Variants in LRMDA observed in about 807,000 individuals in gnomAD.
The protein encoded by LRMDA is leucine rich melanocyte differentiation associated.
A neutral mutation model predicts 29.8 loss-of-function variants in LRMDA; 18 were observed. The observed-to-expected ratio is 0.60, with a 90% confidence interval of 0.42 to 0.90. The LOEUF (loss-of-function observed/expected upper bound fraction) is 0.90, where lower values mean the gene tolerates loss of function less well. Among genes scored for constraint, LRMDA ranks in the 40% least tolerant of loss-of-function variants. LRMDA has a pLI of 0.00. For missense variants in LRMDA, 273 were observed against 273.9 expected, an observed-to-expected ratio of 1.00 and a Z score of 0.02; for synonymous variants, 125 against 109.4, an observed-to-expected ratio of 1.14 and a Z score of -0.89.
At chr10:76,347,374 C>T (rs61026668) in intron 6 of LRMDA, among the ~76,000 whole-genome samples, 3,256 of 152,212 alleles carry the variant, frequency 0.021, 129 homozygotes, top group African/African-American at 0.072. Flanking sequence ...TATACTACGC[C>T]AATAGCTTCA....
intron 5 of LRMDA, among the ~76,000 whole-genome samples, chr10:76,288,256 A>G (rs2132343636): frequency 6.6e-6 from 1 of 152,334 alleles, no homozygotes; most frequent in Admixed American, 6.5e-5. Flanking sequence ...AAACAGAATT[A>G]CCATTTGACC....
chr10:75,764,186 T>C (rs1272825987), intron 2 of LRMDA, among the ~76,000 whole-genome samples: 1 of 152,082 alleles, frequency 6.6e-6, no homozygotes, highest in Non-Finnish European at 1.5e-5. Flanking sequence ...GCTCCAGGCT[T>C]CTCCCCGGCC....
chr10:75,583,985 C>T (rs909151462), intron 2 of LRMDA, among the ~76,000 whole-genome samples: 2 of 152,222 alleles, frequency 1.3e-5, no homozygotes, highest in African/African-American at 4.8e-5. Context: ...CCTTCCCAGC[C>T]CCCCCATAGG....
intron 2 of LRMDA, among the ~76,000 whole-genome samples, chr10:75,751,175 C>T (rs1422590307): frequency 2.0e-5 from 3 of 152,164 alleles, no homozygotes; most frequent in Admixed American, 6.5e-5. Context: ...ACCAGTCAGG[C>T]GTGGCGGCGC....
chr10:76,137,224 T>A lies in LRMDA; in HGVS notation c.516+78441T>A, dbSNP rs1239631603. ...ATTCCTTAAGCTAAAACCCTTAGAGTTAATATGATACACTTGGCTACCTCA... is the reference window on the plus strand; with the variant it reads ...ATTCCTTAAGCTAAAACCCTTAGAGATAATATGATACACTTGGCTACCTCA... On this transcript the variant is annotated intron_variant, in intron 5 of 6. Coordinates refer to ENST00000611255, the MANE Select transcript of LRMDA (RefSeq NM_001305581.2). Among the ~76,000 whole-genome samples, 6 of 152,172 alleles carry A rather than the reference T, an allele frequency of 3.9e-5. No individual in the cohort carries two copies. The East Asian group carries it at 9.6e-4, about 24-fold the overall frequency.
intron 6 of LRMDA, among the ~76,000 whole-genome samples, chr10:76,364,537 TTGGG>T (rs1485508617): frequency 2.0e-5 from 3 of 151,980 alleles, no homozygotes; most frequent in Non-Finnish European, 4.4e-5. Context: ...TTTTTCCATG[TTGGG>T]GGAACCAGGA....
At chr10:75,912,153 C>A (rs1440798655) in intron 2 of LRMDA, among the ~76,000 whole-genome samples, 1 of 152,156 alleles carries the variant, frequency 6.6e-6, no homozygotes, top group African/African-American at 2.4e-5. Context: ...CAACAATACA[C>A]CATGCACCAT....
chr10:75,496,412 A>C (rs181808392), intron 2 of LRMDA, among the ~76,000 whole-genome samples: 80 of 152,390 alleles, frequency 5.2e-4, no homozygotes, highest in African/African-American at 1.8e-3. Context: ...TAGGTCCTCA[A>C]CAAAAGTTAA....
intron 2 of LRMDA, among the ~76,000 whole-genome samples, chr10:76,012,566 C>T (rs567270367): frequency 2.6e-5 from 4 of 152,038 alleles, no homozygotes; most frequent in Non-Finnish European, 5.9e-5. Context: ...TTGGCTCTTC[C>T]CCCGACCCCT....
At chr10:76,481,395 G>C (rs1170892453) in intron 6 of LRMDA, among the ~76,000 whole-genome samples, 5 of 151,958 alleles carry the variant, frequency 3.3e-5, no homozygotes, top group Admixed American at 6.6e-5. Context: ...AGAGATGAAG[G>C]CTGGCTTTTT....
intron 2 of LRMDA, among the ~76,000 whole-genome samples, chr10:75,637,079 T>C (rs899699594): frequency 6.6e-6 from 1 of 152,198 alleles, no homozygotes; most frequent in Non-Finnish European, 1.5e-5. Flanking sequence ...ATTGAGCAAT[T>C]TGAGGTTCTA....
intron 2 of LRMDA, among the ~76,000 whole-genome samples, chr10:75,576,762 C>T (rs951845850): frequency 6.6e-6 from 1 of 152,128 alleles, no homozygotes; most frequent in Non-Finnish European, 1.5e-5. Flanking sequence ...CTGGAGTGGA[C>T]CTCCAGCAAA....
intron 2 of LRMDA, among the ~76,000 whole-genome samples, chr10:75,977,161 T>G (rs1377029591): frequency 6.6e-6 from 1 of 151,860 alleles, no homozygotes; most frequent in African/African-American, 2.4e-5. Flanking sequence ...AGAAGAGAAT[T>G]GTGGGAAATA....
chr10:76,469,903 C>T (rs1303724995), intron 6 of LRMDA, among the ~76,000 whole-genome samples: 1 of 152,100 alleles, frequency 6.6e-6, no homozygotes, highest in Non-Finnish European at 1.5e-5. Context: ...TTCCAAAACA[C>T]TGTCATCATC....
chr10:76,176,064 C>T (rs573590696), intron 5 of LRMDA, among the ~76,000 whole-genome samples: 14 of 152,318 alleles, frequency 9.2e-5, no homozygotes, highest in African/African-American at 3.4e-4. Context: ...CTTTCAGCAC[C>T]TCCTATTTTG....
chr10:76,322,612 A>T (rs1475863700), intron 5 of LRMDA, among the ~76,000 whole-genome samples: 1 of 152,218 alleles, frequency 6.6e-6, no homozygotes, highest in Non-Finnish European at 1.5e-5. Flanking sequence ...GATGTTTCTG[A>T]AAAGGTAGCA....
At chr10:75,925,714 A>G (rs7088562) in intron 2 of LRMDA, among the ~76,000 whole-genome samples, 145,104 of 150,710 alleles carry the variant, frequency 0.96, 69,894 homozygotes, top group East Asian at 1. Flanking sequence ...GTGCAGTGAC[A>G]CAGTCTCGGT....
chr10:75,897,947 GAGT>G (rs1411661797), intron 2 of LRMDA, among the ~76,000 whole-genome samples: 1 of 151,228 alleles, frequency 6.6e-6, no homozygotes, highest in Non-Finnish European at 1.5e-5. Flanking sequence ...CCAGTCTCCT[GAGT>G]AGCTGGGATT....
At chr10:75,831,836 G>C (rs552008874) in intron 2 of LRMDA, among the ~76,000 whole-genome samples, 1 of 152,312 alleles carries the variant, frequency 6.6e-6, no homozygotes, top group East Asian at 1.9e-4. Flanking sequence ...GCCAAAGCTT[G>C]GGGCTTCCAC....
Sources: allele counts gnomAD v4.1 joint callset (sites outside exome capture counted in the v4.1 genomes callset), GRCh38; gene constraint gnomAD v4.1.1; transcripts MANE v1.5; gene names NCBI Gene and HGNC (gene_info 2026-07-23, HGNC 2026-07-21).